Variants in CTRB1 observed in about 807,000 individuals in gnomAD.
CTRB1 encodes the protein chymotrypsinogen B1, also known as chymotrypsinogen B.
In CTRB1, 15 loss-of-function variants were observed where a neutral mutation model predicts 20.4. The ratio of observed to expected loss-of-function variants is 0.74; its 90% CI spans 0.49 to 1.13. CTRB1 has a LOEUF of 1.13. Ranked by LOEUF, CTRB1 falls within the 50% of genes most tolerant of loss-of-function variation. The pLI, the probability that CTRB1 is intolerant of heterozygous loss-of-function variation, is 0.00. For synonymous variants in CTRB1, 92 were observed against 128.4 expected, an observed-to-expected ratio of 0.72 and a Z score of 1.92; for missense variants, 227 against 290.1, an observed-to-expected ratio of 0.78 and a Z score of 1.58.
chr16:75,222,718 G>GC, intron 1 of CTRB1, 50 bp from the exon 2 acceptor site: 1 of 1,529,002 alleles, frequency 6.5e-7, no homozygotes, highest in Non-Finnish European at 8.8e-7. Flanking sequence ...GGCAGGTGAG[G>GC]CCCAGGTGGG....
rs531223299 is a variant in CTRB1 at position 75,224,724 on chromosome 16, T to C, written c.650T>C (p.Leu217Pro). The C allele has an allele frequency of 9.3e-6, 15 of 1,612,006 alleles. No individual in the cohort carries two copies. In the South Asian group the frequency reaches 1.7e-4, roughly 18 times the overall value. The change falls in exon 7 of 7, where the codon CTG (leucine) becomes CCG (proline). Residue 217 changes from leucine (L) to proline (P), a missense_variant. Coordinates refer to ENST00000361017, the MANE Select transcript of CTRB1 (RefSeq NM_001906.6). ...SSCMGDSGGP[L>P]VCQKDGAWTL... ...CCACAGGGCGACTCTGGCGGCCCCC[T>C]GGTCTGCCAAAAGGATGGAGCCTGG...
intron 1 of CTRB1, among the ~76,000 whole-genome samples, chr16:75,222,419 T>A (rs533711594): frequency 2.0e-5 from 3 of 152,182 alleles, no homozygotes; most frequent in Non-Finnish European, 2.9e-5. Flanking sequence ...AAGGCCTGAG[T>A]GCTGCCCTGC....
intron 1 of CTRB1, among the ~76,000 whole-genome samples, chr16:75,220,052 T>C (rs112651495): frequency 0.02 from 3,003 of 151,982 alleles, 35 homozygotes; most frequent in South Asian, 0.037. Flanking sequence ...AGTGCAGTAG[T>C]GTGAGTTTGC....
In CTRB1 at chr16:75,220,680, G is replaced by A. The variant is rs545616852; in HGVS notation, c.52+1621G>A. Among the ~76,000 whole-genome samples the A allele has an allele frequency of 3.3e-5, 5 of 152,214 alleles. No individual in the cohort carries two copies. In the East Asian group the frequency reaches 5.8e-4, roughly 18 times the overall value. On this transcript the variant is annotated intron_variant, in intron 1 of 6. Coordinates refer to ENST00000361017, the MANE Select transcript of CTRB1 (RefSeq NM_001906.6). Reference sequence around the variant, plus strand: ...ATCTTCTCACTTCCTGCATGTTGACGTGGAGTTTCAGCTCATTCACCTGCA... The same window carrying A: ...ATCTTCTCACTTCCTGCATGTTGACATGGAGTTTCAGCTCATTCACCTGCA...
chr16:75,222,524 C>G (rs2076701202), intron 1 of CTRB1: 1 of 563,088 alleles, frequency 1.8e-6, no homozygotes. Flanking sequence ...TCAGGCTGGA[C>G]AGGCCCCAGG....
At chr16:75,222,371 C>G (rs899905151) in intron 1 of CTRB1, among the ~76,000 whole-genome samples, 1 of 152,162 alleles carries the variant, frequency 6.6e-6, no homozygotes, top group Non-Finnish European at 1.5e-5. Flanking sequence ...CAGTGGAGCT[C>G]ACGTGGTTCT....
rs937203926 is a variant in CTRB1 at position 75,219,094 on chromosome 16, G to C, written c.52+35G>C. The stretch of plus-strand genomic sequence containing the variant: ...GGTGCCCGAGGGGTCTGTCCTGAGG[G>C]AGCCCTGAGCCTGGCTGAGAGGGGG... On this transcript the variant is annotated intron_variant, in intron 1 of 6. Coordinates refer to ENST00000361017, the MANE Select transcript of CTRB1 (RefSeq NM_001906.6). 11 of 1,561,726 alleles carry C rather than the reference G, an allele frequency of 7.0e-6. No individual in the cohort carries two copies. In the Admixed American group the frequency reaches 1.9e-4, roughly 27 times the overall value.
At chr16:75,219,126 G>T in intron 1 of CTRB1, 67 bp downstream of exon 1, 15 of 1,497,662 alleles carry the variant, frequency 1.0e-5, no homozygotes, top group Non-Finnish European at 1.3e-5. Context: ...GGGGATCTGA[G>T]TCCCCTGCTC....
intron 1 of CTRB1, among the ~76,000 whole-genome samples, chr16:75,220,435 C>T (rs1015590915): frequency 6.6e-6 from 1 of 152,230 alleles, no homozygotes; most frequent in Admixed American, 6.5e-5. Flanking sequence ...CCGCCCACCT[C>T]AGCCTCCCAA....
At chr16:75,222,348 A>G (rs943984124) in intron 1 of CTRB1, among the ~76,000 whole-genome samples, 3 of 152,110 alleles carry the variant, frequency 2.0e-5, no homozygotes. Flanking sequence ...CAGTCTAACA[A>G]AGGCACGTGG....
chr16:75,219,079 G>A lies in CTRB1; in HGVS notation c.52+20G>A. 1 of 1,578,842 alleles carries A rather than the reference G, an allele frequency of 6.3e-7. No individual in the cohort carries two copies. Among genetic ancestry groups the A allele is most frequent in the Non-Finnish European group, 8.6e-7 (1 of 1,163,600 alleles). On this transcript the variant is annotated intron_variant, in intron 1 of 6. Coordinates refer to ENST00000361017, the MANE Select transcript of CTRB1 (RefSeq NM_001906.6). ...CCTTTGGTGAGTGCTGGTGCCCGAG[G>A]GGTCTGTCCTGAGGGAGCCCTGAGC...
Position 75,224,891 on chromosome 16 carries a change from TC to T in CTRB1, c.*29del, listed in dbSNP as rs1380833960. On this transcript the variant is annotated 3_prime_UTR_variant, in exon 7 of 7. Coordinates refer to ENST00000361017, the MANE Select transcript of CTRB1 (RefSeq NM_001906.6). ...AGCCCGCGGCTCCCTCCGACCCTGC[TC>T]CCCACAGAGCCTCAGTAAACCCATG... The T allele has an allele frequency of 6.2e-7, 1 of 1,612,148 alleles. No homozygotes were observed. Among genetic ancestry groups the T allele is most frequent in the South Asian group, 1.1e-5 (1 of 91,040 alleles).
intron 1 of CTRB1, among the ~76,000 whole-genome samples, chr16:75,221,303 T>A (rs1050700968): frequency 3.9e-5 from 6 of 152,192 alleles, no homozygotes; most frequent in Admixed American, 3.9e-4. Flanking sequence ...TTTTCATTGT[T>A]TTGTTTTCTG....
At chr16:75,224,442 C>T (rs1342326129) in intron 6 of CTRB1, among the ~76,000 whole-genome samples, 2 of 152,236 alleles carry the variant, frequency 1.3e-5, no homozygotes, top group African/African-American at 4.8e-5. Flanking sequence ...CCTTGGCCAG[C>T]CCCACCATGC....
At chr16:75,219,385 T>A (rs1048398677) in intron 1 of CTRB1, among the ~76,000 whole-genome samples, 5 of 151,328 alleles carry the variant, frequency 3.3e-5, no homozygotes, top group Non-Finnish European at 7.4e-5. Context: ...AGCATTTTCT[T>A]CCTTTCTTTC....
chr16:75,220,861 C>T (rs1044393664), intron 1 of CTRB1, among the ~76,000 whole-genome samples: 9 of 152,058 alleles, frequency 5.9e-5, no homozygotes, highest in African/African-American at 2.2e-4. Context: ...CAGGTTCAAG[C>T]ATTTCTCCTG....
At chr16:75,220,439 C>T (rs180930323) in intron 1 of CTRB1, among the ~76,000 whole-genome samples, 3 of 152,346 alleles carry the variant, frequency 2.0e-5, no homozygotes, top group Admixed American at 6.5e-5. Context: ...CCACCTCAGC[C>T]TCCCAAAGTG....
At chr16:75,221,763 G>A (rs1332381305) in intron 1 of CTRB1, among the ~76,000 whole-genome samples, 4 of 151,882 alleles carry the variant, frequency 2.6e-5, no homozygotes, top group Admixed American at 6.6e-5. Flanking sequence ...GCTTCAGCCC[G>A]GGAATTTGAG....
At position 75,224,864 on chromosome 16, in the gene CTRB1, T is replaced by C. The variant is rs557267483; in HGVS notation, c.790T>C (p.Ter264ArgextTer?). ...GGTGCAGAAGATCCTGGCTGCCAAC[T>C]GAGCCCGCGGCTCCCTCCGACCCTG... Reference protein sequence around the residue: ...PWVQKILAAN* With the variant: ...PWVQKILAANR Residue 264 changes from the stop codon to arginine (R), a stop_lost, in exon 7 of 7, where the codon TGA becomes CGA. Coordinates refer to ENST00000361017, the MANE Select transcript of CTRB1 (RefSeq NM_001906.6). 2.5e-6 allele frequency: 4 copies of C among 1,613,714 alleles called. No individual in the cohort carries two copies. In the African/African-American group the frequency reaches 4.0e-5, roughly 16 times the overall value.
Sources: allele counts gnomAD v4.1 joint callset (sites outside exome capture counted in the v4.1 genomes callset), GRCh38; gene constraint gnomAD v4.1.1; transcripts MANE v1.5; gene names NCBI Gene and HGNC (gene_info 2026-07-23, HGNC 2026-07-21).